PLAAT2: variants seen among roughly 807,000 people sequenced by gnomAD.
The protein encoded by PLAAT2 is phospholipase A and acyltransferase 2, also known as HRAS like suppressor 2.
In PLAAT2, 12 loss-of-function variants were observed where a neutral mutation model predicts 12.8. That is an observed-to-expected ratio of 0.94 (90% CI 0.60 to 1.52). The LOEUF is 1.52. Ranked by LOEUF, PLAAT2 falls within the 40% of genes most tolerant of loss-of-function variation. The pLI is 0.00. For missense variants in PLAAT2, 166 were observed against 208.1 expected (o/e 0.80, Z 1.24); for synonymous variants, 79 against 86.8 (o/e 0.91, Z 0.50).
Position 63,558,614 on chromosome 11 carries a change from G to T in PLAAT2, c.165C>A (p.Thr55=). 1 of 1,614,196 alleles carries T rather than the reference G, an allele frequency of 6.2e-7. No homozygotes were observed. Among genetic ancestry groups the T allele is most frequent in the Non-Finnish European group, 8.5e-7 (1 of 1,180,034 alleles). Residue 55 remains threonine, a synonymous_variant, in exon 3 of 4, where the codon ACC becomes ACA. Transcript: ENST00000255695. ...GTTCCTTCTTCACTATGGCTTTGTT[G>T]GTCAGGGCAGACAGGACACTGGCCG... ...AGAASVLSAL[T]NKAIVKKELL...
At position 63,560,078 on chromosome 11, in the gene PLAAT2, T is replaced by C; in HGVS notation, c.118+7A>G. Reference sequence around the variant, plus strand: ...CCCTTGTGCTTAAAAAGAGAACCCATCCTTACTTGCCGGAGCCAGATGGAC... The same window carrying C: ...CCCTTGTGCTTAAAAAGAGAACCCACCCTTACTTGCCGGAGCCAGATGGAC... On this transcript the variant is annotated splice_region_variant and intron_variant, in intron 2 of 3. Coordinates refer to ENST00000255695, the MANE Select transcript of PLAAT2 (RefSeq NM_017878.2). 1 of 1,588,286 alleles carries C rather than the reference T, an allele frequency of 6.3e-7. No individual in the cohort carries two copies. The highest frequency in any genetic ancestry group is 8.6e-7 in the Non-Finnish European group (1 of 1,157,798).
chr11:63,556,088 C>G (rs2017463826), intron 3 of PLAAT2, among the ~76,000 whole-genome samples: 1 of 152,158 alleles, frequency 6.6e-6, no homozygotes, highest in East Asian at 1.9e-4. Flanking sequence ...TCTATTAGAG[C>G]AGGGGCTGGA....
chr11:63,554,504 T>C (rs1371370033), intron 3 of PLAAT2, among the ~76,000 whole-genome samples: 1 of 151,812 alleles, frequency 6.6e-6, no homozygotes, highest in African/African-American at 2.4e-5. Context: ...GGCGGGTGCC[T>C]ATAATCCCAG....
rs1001346669 is a variant in PLAAT2 at position 63,556,382 on chromosome 11, A to G, written c.387+2010T>C. ...TCAGAAGCATAGCAGAGGGCCAACC[A>G]CTTCCTAAAATTGGGGTCTTCCAGA... On this transcript the variant is annotated intron_variant, in intron 3 of 3. Coordinates refer to ENST00000255695, the MANE Select transcript of PLAAT2 (RefSeq NM_017878.2). Among the ~76,000 whole-genome samples, 4 of 152,076 alleles carry G rather than the reference A, an allele frequency of 2.6e-5. No individual in the cohort carries two copies. In the South Asian group the frequency reaches 6.2e-4, roughly 24 times the overall value.
chr11:63,555,287 A>G (rs969948074), intron 3 of PLAAT2, among the ~76,000 whole-genome samples: 29 of 152,218 alleles, frequency 1.9e-4, no homozygotes, highest in African/African-American at 7.0e-4. Context: ...TTCCACATCC[A>G]TGGATCCAAT....
Position 63,557,656 on chromosome 11 carries a change from G to A in PLAAT2, c.387+736C>T, listed in dbSNP as rs114117092. 3.4e-3 allele frequency among the ~76,000 whole-genome samples: 512 copies of A among 152,164 alleles called. 5 individuals carry two copies. Among genetic ancestry groups the A allele is most frequent in the African/African-American group, 0.012 (487 of 41,512 alleles). ...AATACACTTATTGGAAGACAGTCTCGCCTGTTCATTTATATATTGTCTGTG... is the reference window on the plus strand; with the variant it reads ...AATACACTTATTGGAAGACAGTCTCACCTGTTCATTTATATATTGTCTGTG... On this transcript the variant is annotated intron_variant, in intron 3 of 3. Transcript: ENST00000255695.
At chr11:63,558,344 G>A (rs758457110) in intron 3 of PLAAT2, 48 bp downstream of exon 3, 8 of 1,599,406 alleles carry the variant, frequency 5.0e-6, no homozygotes, top group Middle Eastern at 1.9e-4. Context: ...TCTGGCAGCT[G>A]AGGGAGTGGC....
At chr11:63,564,781 C>T (rs1590672919), upstream of PLAAT2, among the ~76,000 whole-genome samples, 1 of 152,268 alleles carries the variant, frequency 6.6e-6, no homozygotes, top group East Asian at 1.9e-4. Flanking sequence ...TAGGGGCTGA[C>T]CTCCAGTCCA....
Position 63,555,710 on chromosome 11 carries a change from A to C in PLAAT2, c.388-2645T>G, listed in dbSNP as rs1447528618. ...GACAGAGTGAGATGCTGTCTCGAAA[A>C]TAAAATAAGTACATGGGAGGATGTG... On this transcript the variant is annotated intron_variant, in intron 3 of 3. Coordinates refer to ENST00000255695, the MANE Select transcript of PLAAT2 (RefSeq NM_017878.2). Among the ~76,000 whole-genome samples the C allele has an allele frequency of 2.6e-5, 4 of 152,222 alleles. No individual in the cohort carries two copies. In the South Asian group the frequency reaches 8.3e-4, roughly 32 times the overall value.
upstream of PLAAT2, among the ~76,000 whole-genome samples, chr11:63,563,715 CAAAAAAA>C (rs35852892): frequency 7.1e-5 from 4 of 56,138 alleles, no homozygotes; most frequent in East Asian, 5.0e-4. Flanking sequence ...GAGACTCAGT[CAAAAAAA>C]AAAAAAAAAA....
At chr11:63,555,569 G>A (rs1034117497) in intron 3 of PLAAT2, among the ~76,000 whole-genome samples, 4 of 152,128 alleles carry the variant, frequency 2.6e-5, no homozygotes, top group Non-Finnish European at 5.9e-5. Flanking sequence ...GCGTGTGCCT[G>A]TAGTCCCATC....
upstream of PLAAT2, chr11:63,563,491 G>A (rs1468738607): frequency 2.8e-6 from 2 of 702,364 alleles, no homozygotes; most frequent in East Asian, 2.9e-5. Flanking sequence ...GGCTGAGGCG[G>A]GAGGATCACA....
At chr11:63,563,475 T>C (rs2017536785), upstream of PLAAT2, 2 of 835,240 alleles carry the variant, frequency 2.4e-6, no homozygotes, top group East Asian at 5.4e-5. Context: ...TCCCAGCACT[T>C]TGAGAGGCTG....
chr11:63,557,034 C>T lies in PLAAT2; in HGVS notation c.387+1358G>A, dbSNP rs544126613. Among the ~76,000 whole-genome samples the T allele has an allele frequency of 2.6e-5, 4 of 152,224 alleles. No individual in the cohort carries two copies. In the East Asian group the frequency reaches 5.8e-4, roughly 22 times the overall value. On this transcript the variant is annotated intron_variant, in intron 3 of 3. Transcript: ENST00000255695. ...ATTGGTTTGACAATAACACCTGGCT[C>T]GGCTATTTAAACTACACGGAAGACA...
At chr11:63,556,478 C>A (rs1323535742) in intron 3 of PLAAT2, among the ~76,000 whole-genome samples, 1 of 151,994 alleles carries the variant, frequency 6.6e-6, no homozygotes, top group Non-Finnish European at 1.5e-5. Flanking sequence ...CACCCCCAAT[C>A]CCCTTCCGAC....
Position 63,552,901 on chromosome 11 carries a change from C to A in PLAAT2, c.*63G>T. On this transcript the variant is annotated 3_prime_UTR_variant, in exon 4 of 4. Transcript: ENST00000255695. ...AGTAAAATCAGTAAACCAAACTCCA[C>A]TCCTGCTGGCTAAATAATATTCCTC... 1 of 1,126,124 alleles carries A rather than the reference C, an allele frequency of 8.9e-7. No individual in the cohort carries two copies. 69.8% of individuals were successfully genotyped at this position (1,126,124 alleles called of 1,614,324 possible). A position where few individuals can be genotyped will look rare whatever the true frequency, so the allele number is the denominator to read the frequency against.
chr11:63,562,212 G>C (rs1425096618), intron 1 of PLAAT2, among the ~76,000 whole-genome samples: 1 of 152,198 alleles, frequency 6.6e-6, no homozygotes, highest in Non-Finnish European at 1.5e-5. Flanking sequence ...GGTCAAAGGG[G>C]ACATTAGTTT....
chr11:63,560,725 G>A (rs953502034), intron 1 of PLAAT2, among the ~76,000 whole-genome samples: 3 of 152,184 alleles, frequency 2.0e-5, no homozygotes, highest in African/African-American at 7.2e-5. Context: ...TTGACAATGA[G>A]CACATGGAGT....
At chr11:63,559,119 C>A (rs2017495349) in intron 2 of PLAAT2, among the ~76,000 whole-genome samples, 1 of 152,130 alleles carries the variant, frequency 6.6e-6, no homozygotes, top group Non-Finnish European at 1.5e-5. Flanking sequence ...GCACAATATG[C>A]TAAAACTCCT....
Sources: allele counts gnomAD v4.1 joint callset (sites outside exome capture counted in the v4.1 genomes callset), GRCh38; gene constraint gnomAD v4.1.1; transcripts MANE v1.5; gene names NCBI Gene and HGNC (gene_info 2026-07-23, HGNC 2026-07-21).